The following ETNK1 variants were observed in gnomAD, a reference collection of about 807,000 sequenced individuals.
The protein encoded by ETNK1 is ethanolamine kinase 1.
A neutral mutation model predicts 45.1 loss-of-function variants in ETNK1; 8 were observed. The ratio of observed to expected loss-of-function variants is 0.18; its 90% CI spans 0.10 to 0.32. The LOEUF is 0.32. Ranked by LOEUF, ETNK1 falls within the 10% of genes least tolerant of loss-of-function variation. The pLI is 1.00. For missense variants in ETNK1, 302 were observed against 430.6 expected (o/e 0.70, Z 2.64); for synonymous variants, 152 against 151.9 (o/e 1.00, Z -0.01).
intron 1 of ETNK1, among the ~76,000 whole-genome samples, chr12:22,639,672 C>G (rs1254782292): frequency 2.2e-5 from 3 of 138,512 alleles, no homozygotes; most frequent in East Asian, 4.2e-4. Context: ...CTGAGACTCT[C>G]AAAAAAAAAA....
intron 1 of ETNK1, among the ~76,000 whole-genome samples, chr12:22,642,049 GA>G (rs1407651525): frequency 6.6e-6 from 1 of 152,142 alleles, no homozygotes; most frequent in East Asian, 1.9e-4. Context: ...TAAGCTAGAT[GA>G]AGACATTAAT....
At chr12:22,675,998 A>T (rs1197868451) in intron 6 of ETNK1, among the ~76,000 whole-genome samples, 12 of 152,106 alleles carry the variant, frequency 7.9e-5, no homozygotes, top group Non-Finnish European at 8.8e-5. Flanking sequence ...CCCGTTATTT[A>T]TTTCAATTAA....
At chr12:22,638,513 A>C (rs2046602) in intron 1 of ETNK1, 52,866 of 152,128 alleles carry the variant, frequency 0.35, 11,374 homozygotes, top group Middle Eastern at 0.55. Flanking sequence ...CGGCCTCCCA[A>C]AGTGCTGGGA....
intron 6 of ETNK1, chr12:22,682,433 T>G: frequency 3.8e-6 from 1 of 260,118 alleles, no homozygotes; most frequent in Non-Finnish European, 8.0e-6. Context: ...ATTAGTCATT[T>G]TTTTCAAGTA....
chr12:22,637,691 T>C (rs1427578788), intron 1 of ETNK1, among the ~76,000 whole-genome samples: 1 of 152,032 alleles, frequency 6.6e-6, no homozygotes, highest in Admixed American at 6.5e-5. Flanking sequence ...AATGAGAAAA[T>C]AAGCCAGTTA....
At chr12:22,652,278 G>C (rs1465691289) in intron 2 of ETNK1, among the ~76,000 whole-genome samples, 1 of 152,178 alleles carries the variant, frequency 6.6e-6, no homozygotes, top group African/African-American at 2.4e-5. Flanking sequence ...TTGGGCAATA[G>C]TCACTTTTGG....
chr12:22,679,171 C>T (rs1317753213), intron 6 of ETNK1, among the ~76,000 whole-genome samples: 2 of 152,136 alleles, frequency 1.3e-5, no homozygotes, highest in African/African-American at 4.8e-5. Flanking sequence ...CCAGTAGTGG[C>T]GCAGTACAAG....
intron 2 of ETNK1, among the ~76,000 whole-genome samples, chr12:22,657,272 A>G (rs1197827539): frequency 6.6e-6 from 1 of 152,236 alleles, no homozygotes; most frequent in Non-Finnish European, 1.5e-5. Flanking sequence ...TTTGAGAGGT[A>G]TGAACCAAAG....
chr12:22,678,415 G>C (rs1040148347), intron 6 of ETNK1, among the ~76,000 whole-genome samples: 1 of 152,118 alleles, frequency 6.6e-6, no homozygotes, highest in Non-Finnish European at 1.5e-5. Flanking sequence ...ATTTACCATT[G>C]ATTTAAAAAA....
intron 2 of ETNK1, among the ~76,000 whole-genome samples, chr12:22,647,083 A>T (rs1326862858): frequency 2.0e-5 from 3 of 151,860 alleles, no homozygotes; most frequent in African/African-American, 7.2e-5. Flanking sequence ...AATTCCACTT[A>T]TGGAAATTTA....
At position 22,660,104 on chromosome 12, in the gene ETNK1, A is replaced by T. The variant is rs1249123078; in HGVS notation, c.557+950A>T. 2.0e-5 allele frequency among the ~76,000 whole-genome samples: 3 copies of T among 151,642 alleles called. No homozygotes were observed. In the East Asian group the frequency reaches 5.8e-4, roughly 29 times the overall value. ...CCATTTTGAAAAGAGCATTATGAGGATTACTTGTGGAAGTTGTATGTAGAG... is the reference window on the plus strand; with the variant it reads ...CCATTTTGAAAAGAGCATTATGAGGTTTACTTGTGGAAGTTGTATGTAGAG... On this transcript the variant is annotated intron_variant, in intron 3 of 7. Transcript: ENST00000266517.
At position 22,674,394 on chromosome 12, in the gene ETNK1, C is replaced by A. The variant is rs187339509; in HGVS notation, c.945+734C>A. Reference sequence around the variant, plus strand: ...TTGTTGTGTTGTCTCTACAGATAGACCCTAGTGGTATATGGGTATGCCATT... The same window carrying A: ...TTGTTGTGTTGTCTCTACAGATAGAACCTAGTGGTATATGGGTATGCCATT... On this transcript the variant is annotated intron_variant, in intron 6 of 7. Coordinates refer to ENST00000266517, the MANE Select transcript of ETNK1 (RefSeq NM_018638.5). Among the ~76,000 whole-genome samples, 71 of 152,208 alleles carry A rather than the reference C, an allele frequency of 4.7e-4. 1 individual carries two copies. Among genetic ancestry groups the A allele is most frequent in the Admixed American group, 4.1e-3 (62 of 15,290 alleles).
At chr12:22,666,292 A>G (rs1427491007) in intron 4 of ETNK1, among the ~76,000 whole-genome samples, 1 of 152,194 alleles carries the variant, frequency 6.6e-6, no homozygotes, top group East Asian at 1.9e-4. Context: ...ACTTAATGAT[A>G]TGGTGATAGA....
At chr12:22,654,051 C>T (rs781439863) in intron 2 of ETNK1, among the ~76,000 whole-genome samples, 2 of 152,146 alleles carry the variant, frequency 1.3e-5, no homozygotes, top group Non-Finnish European at 2.9e-5. Flanking sequence ...GTCCCTTTGG[C>T]AATATTAGTC....
At chr12:22,637,550 T>C (rs951177709) in intron 1 of ETNK1, among the ~76,000 whole-genome samples, 3 of 152,188 alleles carry the variant, frequency 2.0e-5, no homozygotes, top group African/African-American at 4.8e-5. Flanking sequence ...CATGTGCCTT[T>C]GTATGTGTTG....
At chr12:22,666,804 G>A (rs1954057343) in intron 4 of ETNK1, among the ~76,000 whole-genome samples, 1 of 152,136 alleles carries the variant, frequency 6.6e-6, no homozygotes, top group Admixed American at 6.6e-5. Context: ...TGTTTTAAGA[G>A]TTCTATACAA....
rs887082901 is a variant in ETNK1, at chr12:22,642,666, CTCTT to C, written c.157-1092_157-1089del. On this transcript the variant is annotated intron_variant, in intron 1 of 7. Coordinates refer to ENST00000266517, the MANE Select transcript of ETNK1 (RefSeq NM_018638.5). ...TCTAATTGAGATAGAAATATTTACC[CTCTT>C]TCTTAAGCATTAGTTAAATGTATAT... 5.9e-5 allele frequency among the ~76,000 whole-genome samples: 9 copies of C among 151,886 alleles called. No homozygotes were observed. In the South Asian group the frequency reaches 1.0e-3, roughly 18 times the overall value.
rs149262904 is a variant in ETNK1, at chr12:22,680,120, G to A, written c.946-4363G>A. ...TCCTCTTCTCCCAGCCCTCTTACAT[G>A]TTAACAGTATTCCCTAGTGTTCTGA... On this transcript the variant is annotated intron_variant, in intron 6 of 7. Coordinates refer to ENST00000266517, the MANE Select transcript of ETNK1 (RefSeq NM_018638.5). Among the ~76,000 whole-genome samples, 11 of 152,212 alleles carry A rather than the reference G, an allele frequency of 7.2e-5. No individual in the cohort carries two copies. The East Asian group carries it at 2.1e-3, about 29-fold the overall frequency.
chr12:22,625,372 C>T lies in ETNK1; in HGVS notation c.-59C>T, dbSNP rs745856468. 6 of 1,569,044 alleles carry T rather than the reference C, an allele frequency of 3.8e-6. No individual in the cohort carries two copies. Among genetic ancestry groups the T allele is most frequent in the Non-Finnish European group, 4.3e-6 (5 of 1,160,418 alleles). On this transcript the variant is annotated 5_prime_UTR_variant, in exon 1 of 8. Coordinates refer to ENST00000266517, the MANE Select transcript of ETNK1 (RefSeq NM_018638.5). ...GGATCCACCAGTCTGTCGGCGCCCG[C>T]CGTTCTCGTGGTCGCCGTCGCCGTC...
Sources: allele counts gnomAD v4.1 joint callset (sites outside exome capture counted in the v4.1 genomes callset), GRCh38; gene constraint gnomAD v4.1.1; transcripts MANE v1.5; gene names NCBI Gene and HGNC (gene_info 2026-07-23, HGNC 2026-07-21).